The following PDE10A variants were observed in gnomAD, a reference collection of about 807,000 sequenced individuals.
PDE10A encodes the protein phosphodiesterase 10A.
In PDE10A, 39 loss-of-function variants were observed where a neutral mutation model predicts 97.7. The observed-to-expected ratio is 0.40, with a 90% confidence interval of 0.31 to 0.52. The LOEUF is 0.52. Ranked by LOEUF, PDE10A falls within the 20% of genes least tolerant of loss-of-function variation. PDE10A has a pLI of 0.56. For missense variants in PDE10A, 731 were observed against 1,047.8 expected, an observed-to-expected ratio of 0.70 and a Z score of 4.17; for synonymous variants, 371 against 376.8, an observed-to-expected ratio of 0.98 and a Z score of 0.18.
At chr6:165,776,849 G>T (rs991534156) in intron 1 of PDE10A, among the ~76,000 whole-genome samples, 1 of 152,182 alleles carries the variant, frequency 6.6e-6, no homozygotes, top group Non-Finnish European at 1.5e-5. Context: ...GGCCAGGGAG[G>T]CTGAAACCGT....
At chr6:165,384,706 T>A in intron 17 of PDE10A, among the ~76,000 whole-genome samples, 1 of 130,232 alleles carries the variant, frequency 7.7e-6, no homozygotes, top group Non-Finnish European at 1.7e-5. Flanking sequence ...TTTTCAAGTC[T>A]ATTGTATTAT....
Position 165,662,855 on chromosome 6 carries a change from G to A in PDE10A, c.-44C>T, listed in dbSNP as rs1336736482. Among the ~76,000 whole-genome samples the A allele has an allele frequency of 2.9e-4, 43 of 150,604 alleles. No individual in the cohort carries two copies. The highest frequency in any genetic ancestry group is 9.5e-4 in the African/African-American group (39 of 41,264). ...GGAGGGGCAGGCCGCGGGCGGGAGG[G>A]GCGCGGCGGGCCGGGGCTCGGTGGG... On this transcript the variant is annotated 5_prime_UTR_variant, in exon 1 of 22. Coordinates refer to ENST00000539869, the MANE Select transcript of PDE10A (RefSeq NM_001385079.1).
chr6:165,397,646 G>A (rs1363898778), intron 13 of PDE10A, among the ~76,000 whole-genome samples: 2 of 139,510 alleles, frequency 1.4e-5, no homozygotes, highest in African/African-American at 5.6e-5. Context: ...TGATTGCAGT[G>A]AGCCAAGATG....
At chr6:165,730,851 C>T (rs1792415987) in intron 1 of PDE10A, among the ~76,000 whole-genome samples, 1 of 151,856 alleles carries the variant, frequency 6.6e-6, no homozygotes, top group East Asian at 1.9e-4. Flanking sequence ...GAAGACCAGC[C>T]TGGCCAACAT....
intron 2 of PDE10A, among the ~76,000 whole-genome samples, chr6:165,513,993 T>C (rs1781653860): frequency 6.6e-6 from 1 of 152,158 alleles, no homozygotes; most frequent in African/African-American, 2.4e-5. Flanking sequence ...CCCTTCTCTT[T>C]TGCCTTATTG....
At chr6:165,337,599 A>G (rs1177502136) in intron 20 of PDE10A, among the ~76,000 whole-genome samples, 3 of 152,248 alleles carry the variant, frequency 2.0e-5, no homozygotes, top group African/African-American at 7.2e-5. Flanking sequence ...TTTCATTATT[A>G]TGGCAAATAA....
chr6:165,729,449 A>G (rs1195765912), intron 1 of PDE10A, among the ~76,000 whole-genome samples: 1 of 152,052 alleles, frequency 6.6e-6, no homozygotes, highest in East Asian at 1.9e-4. Context: ...TTATATTGGG[A>G]GATACTAAGG....
chr6:165,798,560 TA>T (rs1778889625), intron 1 of PDE10A, among the ~76,000 whole-genome samples: 1 of 152,154 alleles, frequency 6.6e-6, no homozygotes. Flanking sequence ...AAACGGTACC[TA>T]AAGGCAGGAG....
chr6:165,725,693 T>A (rs1249204087), intron 1 of PDE10A, among the ~76,000 whole-genome samples: 3 of 151,974 alleles, frequency 2.0e-5, no homozygotes, highest in African/African-American at 7.2e-5. Context: ...ACGAAAAAAA[T>A]CAACCATTTC....
At chr6:165,395,408 T>C (rs984941768) in intron 14 of PDE10A, 144 bp from the exon 15 acceptor site, 85 of 562,534 alleles carry the variant, frequency 1.5e-4, no homozygotes, top group Admixed American at 2.4e-4. Context: ...CTTAGCCACA[T>C]AGCTGTTACT....
At chr6:165,490,066 A>T (rs2128286614) in intron 2 of PDE10A, among the ~76,000 whole-genome samples, 1 of 152,378 alleles carries the variant, frequency 6.6e-6, no homozygotes, top group South Asian at 2.1e-4. Flanking sequence ...CTAGAGATCT[A>T]GACATCCAAA....
intron 1 of PDE10A, among the ~76,000 whole-genome samples, chr6:165,656,529 C>G (rs1235924443): frequency 1.3e-5 from 2 of 151,950 alleles, no homozygotes; most frequent in Non-Finnish European, 2.9e-5. Context: ...AGAGGGGATT[C>G]TTTCTACCTG....
chr6:165,650,189 A>G (rs1789607757), intron 1 of PDE10A, among the ~76,000 whole-genome samples: 1 of 152,224 alleles, frequency 6.6e-6, no homozygotes. Flanking sequence ...GAACACGTGA[A>G]CAGCAAAGTA....
intron 1 of PDE10A, among the ~76,000 whole-genome samples, chr6:165,612,998 T>A (rs1052920600): frequency 2.6e-5 from 4 of 152,186 alleles, no homozygotes; most frequent in African/African-American, 9.6e-5. Flanking sequence ...ATTTGACACA[T>A]CAAATATTTA....
rs78225285 is a variant in PDE10A at position 165,743,608 on chromosome 6, T to C, written c.-614-200040A>G. 9.6e-3 allele frequency among the ~76,000 whole-genome samples: 1,462 copies of C among 152,306 alleles called. 13 individuals carry two copies. The highest frequency in any genetic ancestry group is 0.015 in the Non-Finnish European group (1,017 of 68,016). ...TAAAATGGATCAACATAGTTATATA[T>C]GTAGCACAAAGACATACACACAGCA... On this transcript the variant is annotated intron_variant, in intron 1 of 19. Coordinates refer to the PDE10A transcript ENST00000366882.
chr6:165,686,769 C>T (rs1791132692), intron 1 of PDE10A, among the ~76,000 whole-genome samples: 1 of 152,300 alleles, frequency 6.6e-6, no homozygotes, highest in East Asian at 1.9e-4. Flanking sequence ...GCTGCGTGAC[C>T]GCCTCATTAG....
At chr6:165,392,566 C>A in intron 16 of PDE10A, 80 bp downstream of exon 16, 1 of 1,350,746 alleles carries the variant, frequency 7.4e-7, no homozygotes, top group South Asian at 1.4e-5. Context: ...GTCACAAATC[C>A]ATGTCATCAA....
At chr6:165,853,147 G>A (rs1189646877) in intron 1 of PDE10A, among the ~76,000 whole-genome samples, 2 of 152,206 alleles carry the variant, frequency 1.3e-5, no homozygotes, top group South Asian at 2.1e-4. Context: ...CACAGTCCCG[G>A]AGCGGGTACC....
chr6:165,553,265 T>G (rs2128331256), intron 1 of PDE10A, among the ~76,000 whole-genome samples: 1 of 152,176 alleles, frequency 6.6e-6, no homozygotes, highest in East Asian at 1.9e-4. Context: ...GCAAAGTCAT[T>G]TATATGGAAA....
Sources: allele counts gnomAD v4.1 joint callset (sites outside exome capture counted in the v4.1 genomes callset), GRCh38; gene constraint gnomAD v4.1.1; transcripts MANE v1.5; gene names NCBI Gene and HGNC (gene_info 2026-07-23, HGNC 2026-07-21).